MYO16: variants seen among roughly 807,000 people sequenced by gnomAD.
MYO16 encodes myosin XVI.
In MYO16, 94 loss-of-function variants were observed where a neutral mutation model predicts 205.3. The ratio of observed to expected loss-of-function variants is 0.46; its 90% CI spans 0.39 to 0.54. The LOEUF is 0.54. MYO16 is among the 20% of genes least tolerant of loss of function. The pLI is 0.00. For missense variants in MYO16, 2,315 were observed against 2,387.5 expected (o/e 0.97, Z 0.63); for synonymous variants, 988 against 954.0 (o/e 1.04, Z -0.66).
intron 6 of MYO16, among the ~76,000 whole-genome samples, chr13:108,803,636 C>A (rs1421676730): frequency 1.3e-5 from 2 of 152,136 alleles, no homozygotes; most frequent in African/African-American, 4.8e-5. Context: ...TGTTAGGGTG[C>A]AGTTTTACAG....
the MYO16 span, among the ~76,000 whole-genome samples, chr13:108,559,173 G>A: frequency 1.1e-4 from 17 of 152,204 alleles, no homozygotes; most frequent in South Asian, 3.1e-3. Flanking sequence ...TATGACCATT[G>A]TCCCTACCAG....
At chr13:108,925,877 T>C (rs1429429976) in intron 16 of MYO16, among the ~76,000 whole-genome samples, 3 of 152,214 alleles carry the variant, frequency 2.0e-5, no homozygotes, top group Non-Finnish European at 4.4e-5. Context: ...AGTAGAAGTC[T>C]GATCCTCTCA....
intron 4 of MYO16, among the ~76,000 whole-genome samples, chr13:108,734,615 G>A (rs1884630061): frequency 6.6e-6 from 1 of 152,156 alleles, no homozygotes. Flanking sequence ...GGAAACCAGG[G>A]AATGAACTTG....
the MYO16 span, among the ~76,000 whole-genome samples, chr13:108,586,689 A>G: frequency 6.6e-6 from 1 of 152,202 alleles, no homozygotes; most frequent in Non-Finnish European, 1.5e-5. Flanking sequence ...GAGTAAAGCA[A>G]CTGCCAAATT....
At chr13:109,133,634 T>A (rs1876640043) in intron 31 of MYO16, among the ~76,000 whole-genome samples, 2 of 152,188 alleles carry the variant, frequency 1.3e-5, no homozygotes, top group Admixed American at 1.3e-4. Context: ...ACTGTTAGGA[T>A]CCCAGAACCT....
chr13:108,528,835 G>C, the MYO16 span, among the ~76,000 whole-genome samples: 1 of 147,372 alleles, frequency 6.8e-6, no homozygotes, highest in African/African-American at 2.5e-5. Context: ...AGCTTTTGAC[G>C]ATGTGAGAGG....
At chr13:108,966,037 AAAGAC>A (rs1883780874) in intron 20 of MYO16, among the ~76,000 whole-genome samples, 2 of 152,226 alleles carry the variant, frequency 1.3e-5, no homozygotes, top group South Asian at 2.1e-4. Context: ...AGAAGATTTC[AAAGAC>A]AAGAGGACAC....
intron 21 of MYO16, among the ~76,000 whole-genome samples, chr13:108,998,168 T>C (rs903832010): frequency 6.7e-6 from 1 of 148,820 alleles, no homozygotes; most frequent in Non-Finnish European, 1.5e-5. Flanking sequence ...GTAAATTAAC[T>C]TTTCTTAATT....
Position 109,055,729 on chromosome 13 carries a change from C to A in MYO16, c.3335+134C>A. The stretch of plus-strand genomic sequence containing the variant: ...TTTGTTGTTTACTTTTTTCTATCTC[C>A]AATAAACAAAATATTCTGGGAAACA... On this transcript the variant is annotated intron_variant, in intron 27 of 34. Coordinates refer to ENST00000457511, the MANE Select transcript of MYO16 (RefSeq NM_001198950.3). This position sits in a 1 kb window ranked among gnomAD's most constrained non-coding sequence, Gnocchi z 5.0. The A allele has an allele frequency of 1.4e-6, 1 of 718,904 alleles. No individual in the cohort carries two copies. The highest frequency in any genetic ancestry group is 2.3e-6 in the Non-Finnish European group (1 of 432,116). 44.5% of individuals were successfully genotyped at this position (718,904 alleles called of 1,614,324 possible).
chr13:108,726,560 A>ATG (rs1246963620), intron 3 of MYO16, among the ~76,000 whole-genome samples: 1 of 56,988 alleles, frequency 1.8e-5, no homozygotes, highest in African/African-American at 1.1e-4. Flanking sequence ...TCTGTTTCAA[A>ATG]AAAAAAAAAA....
intron 17 of MYO16, among the ~76,000 whole-genome samples, 200 bp downstream of exon 17, chr13:108,957,999 A>C (rs1883441118): frequency 1.3e-5 from 2 of 151,984 alleles, no homozygotes; most frequent in Non-Finnish European, 2.9e-5. Context: ...GACTTCATCC[A>C]CATGTTGAGG....
rs1876318308 is a variant in MYO16, at chr13:109,127,495, T to C, written c.3996T>C (p.Ala1332=). 1 of 1,613,588 alleles carries C rather than the reference T, an allele frequency of 6.2e-7. No individual in the cohort carries two copies. ...PKRDPNTRLS[A]SYEAVSACLS... is the part of the protein sequence containing the mutation. ...GGGACCCCAACACCCGGCTGAGTGC[T>C]TCCTATGAGGCTGTGAGCGCCTGCC... The change falls in exon 31 of 35, where the codon GCT becomes GCC. Residue 1332 remains alanine, a synonymous_variant. Transcript: ENST00000457511. This position sits in a 1 kb window ranked among gnomAD's most constrained non-coding sequence, Gnocchi z 4.2.
At chr13:109,199,296 T>G (rs1012448134) in intron 34 of MYO16, among the ~76,000 whole-genome samples, 2 of 145,216 alleles carry the variant, frequency 1.4e-5, no homozygotes, top group African/African-American at 2.5e-5. Flanking sequence ...AAGACACGTG[T>G]TTTGTTTGTC....
At chr13:108,977,508 C>T (rs1220480524) in intron 20 of MYO16, among the ~76,000 whole-genome samples, 2 of 152,124 alleles carry the variant, frequency 1.3e-5, no homozygotes, top group African/African-American at 4.8e-5. Flanking sequence ...GTTCACTGGG[C>T]TTTATGCAAT....
At chr13:108,725,691 A>T (rs61969549) in intron 3 of MYO16, among the ~76,000 whole-genome samples, 37,287 of 151,882 alleles carry the variant, frequency 0.25, 5,628 homozygotes, top group African/African-American at 0.44. Flanking sequence ...CTAGAGTGCA[A>T]GTGCTGATCA....
At chr13:108,783,601 G>A (rs902413386) in intron 4 of MYO16, among the ~76,000 whole-genome samples, 62 of 152,130 alleles carry the variant, frequency 4.1e-4, no homozygotes, top group Admixed American at 3.4e-3. Flanking sequence ...GATGTAGTTT[G>A]GCTGTGTCCT....
intron 23 of MYO16, among the ~76,000 whole-genome samples, chr13:109,043,928 T>C (rs1017931493): frequency 2.6e-5 from 4 of 152,198 alleles, no homozygotes; most frequent in African/African-American, 9.6e-5. Flanking sequence ...GGCTGGAAGC[T>C]TGAAAAGAGG....
intron 4 of MYO16, among the ~76,000 whole-genome samples, chr13:108,774,863 A>G (rs1261115122): frequency 6.6e-6 from 1 of 152,142 alleles, no homozygotes; most frequent in Non-Finnish European, 1.5e-5. Flanking sequence ...TATGTTTTTC[A>G]TTTATTCTCA....
chr13:108,841,196 T>C (rs2139065016), intron 9 of MYO16, among the ~76,000 whole-genome samples: 1 of 152,316 alleles, frequency 6.6e-6, no homozygotes, highest in East Asian at 1.9e-4. Flanking sequence ...AATGAATGAT[T>C]ACATCAATGA....
Sources: gnomAD v4.1 joint callset for allele counts (sites outside exome capture counted in the v4.1 genomes callset) on GRCh38, gnomAD v4.1.1 for gene constraint, Gnocchi (gnomAD v3.1) non-coding constraint, MANE v1.5 for transcripts, NCBI Gene and HGNC (gene_info 2026-07-23, HGNC 2026-07-21) for gene names.